ADAMTSL3: variants seen among roughly 807,000 people sequenced by gnomAD.
ADAMTSL3 encodes ADAMTS like 3.
In ADAMTSL3, 128 loss-of-function variants were observed where a neutral mutation model predicts 201.7. That is an observed-to-expected ratio of 0.63 (90% confidence interval 0.55 to 0.73). The LOEUF (loss-of-function observed/expected upper bound fraction) is 0.73, where lower values mean the gene tolerates loss of function less well. Among genes scored for constraint, ADAMTSL3 ranks in the 30% least tolerant of loss-of-function variants. The pLI is 0.00. For missense variants in ADAMTSL3, 1,990 were observed against 2,119.6 expected (o/e 0.94, Z 1.20); for synonymous variants, 738 against 748.4 (o/e 0.99, Z 0.23).
intron 23 of ADAMTSL3, among the ~76,000 whole-genome samples, chr15:84,003,532 G>T (rs1360158083): frequency 6.6e-6 from 1 of 152,074 alleles, no homozygotes; most frequent in Non-Finnish European, 1.5e-5. Context: ...TGTTCCCTTG[G>T]CTCCTCGTAT....
chr15:83,842,198 G>A (rs1328778440), intron 7 of ADAMTSL3, among the ~76,000 whole-genome samples: 1 of 151,358 alleles, frequency 6.6e-6, no homozygotes, highest in Admixed American at 6.6e-5. Context: ...TTGAATGGTG[G>A]AGGTAGCTCT....
At chr15:84,018,154 A>T (rs1217964404) in intron 25 of ADAMTSL3, among the ~76,000 whole-genome samples, 1 of 152,204 alleles carries the variant, frequency 6.6e-6, no homozygotes, top group African/African-American at 2.4e-5. Flanking sequence ...AGCCTTTGGA[A>T]TAGTCAAACT....
intron 3 of ADAMTSL3, among the ~76,000 whole-genome samples, chr15:83,771,184 T>A (rs1052714665): frequency 1.6e-4 from 20 of 122,828 alleles, no homozygotes; most frequent in African/African-American, 2.8e-4. Context: ...TTTTTTTTTT[T>A]ATTTTAATAG....
chr15:83,916,304 A>G (rs2066031480), intron 16 of ADAMTSL3, among the ~76,000 whole-genome samples: 1 of 152,198 alleles, frequency 6.6e-6, no homozygotes, highest in African/African-American at 2.4e-5. Flanking sequence ...TTATAAGGGT[A>G]TATTTTATCA....
intron 4 of ADAMTSL3, among the ~76,000 whole-genome samples, chr15:83,777,279 C>T (rs1320546445): frequency 3.3e-5 from 5 of 152,250 alleles, no homozygotes; most frequent in Non-Finnish European, 2.9e-5. Context: ...GTAGCTGCCA[C>T]TACCACTGCT....
At chr15:83,718,692 A>G (rs2141565890) in intron 3 of ADAMTSL3, among the ~76,000 whole-genome samples, 1 of 148,164 alleles carries the variant, frequency 6.7e-6, no homozygotes, top group South Asian at 2.1e-4. Context: ...CTCCGTCTCA[A>G]AAAAAAAAAA....
At chr15:83,833,326 C>G (rs1044979936) in intron 6 of ADAMTSL3, among the ~76,000 whole-genome samples, 3 of 152,136 alleles carry the variant, frequency 2.0e-5, no homozygotes, top group East Asian at 1.9e-4. Flanking sequence ...AGGGTCTGCT[C>G]CCTGCCTCCT....
intron 8 of ADAMTSL3, among the ~76,000 whole-genome samples, chr15:83,859,900 C>T (rs372233034): frequency 3.9e-5 from 6 of 152,102 alleles, no homozygotes; most frequent in Non-Finnish European, 5.9e-5. Flanking sequence ...TGGTGGTTCA[C>T]GCCTGTAATG....
chr15:83,970,976 T>G (rs2067185148), intron 20 of ADAMTSL3, among the ~76,000 whole-genome samples: 1 of 152,220 alleles, frequency 6.6e-6, no homozygotes, highest in Non-Finnish European at 1.5e-5. Flanking sequence ...TTCACTTTGC[T>G]AGGATTGCAT....
intron 10 of ADAMTSL3, among the ~76,000 whole-genome samples, chr15:83,889,206 C>T (rs1175411704): frequency 3.9e-5 from 6 of 152,066 alleles, no homozygotes; most frequent in African/African-American, 1.2e-4. Flanking sequence ...TCATTCCTTC[C>T]GTTTGAAGGC....
chr15:83,858,835 A>G lies in ADAMTSL3; in HGVS notation c.797A>G (p.His266Arg), dbSNP rs2064796509. Reference protein sequence around the residue: ...SVRITVKGPAHLFIESKTLQG... With the variant: ...SVRITVKGPARLFIESKTLQG... ...AGAATTACAGTGAAAGGACCTGCCC[A>G]CCTCTGTAAGTAGAATTTAATCTTA... The change falls in exon 8 of 30, where the codon CAC becomes CGC. Residue 266 changes from histidine to arginine, a missense_variant. Transcript: ENST00000286744. 6.2e-7 allele frequency: 1 copy of G among 1,608,198 alleles called. No homozygotes were observed. Among genetic ancestry groups the G allele is most frequent in the South Asian group, 1.1e-5 (1 of 90,062 alleles).
intron 6 of ADAMTSL3, among the ~76,000 whole-genome samples, chr15:83,823,869 G>C (rs900464934): frequency 6.7e-6 from 1 of 150,282 alleles, no homozygotes; most frequent in Non-Finnish European, 1.5e-5. Flanking sequence ...TTTTAAAACA[G>C]ACTCCATTTC....
chr15:83,734,625 G>A (rs1288733468), intron 3 of ADAMTSL3, among the ~76,000 whole-genome samples: 1 of 151,878 alleles, frequency 6.6e-6, no homozygotes, highest in Non-Finnish European at 1.5e-5. Flanking sequence ...AGGTATGGGT[G>A]TAGCCATTTC....
At chr15:83,689,012 G>A (rs376616711) in intron 2 of ADAMTSL3, among the ~76,000 whole-genome samples, 3 of 151,854 alleles carry the variant, frequency 2.0e-5, no homozygotes, top group South Asian at 2.1e-4. Flanking sequence ...TTGTAGAGAC[G>A]GAGTTTCACC....
intron 2 of ADAMTSL3, among the ~76,000 whole-genome samples, chr15:83,697,346 G>T (rs1008051843): frequency 6.6e-6 from 1 of 152,070 alleles, no homozygotes; most frequent in East Asian, 1.9e-4. Context: ...ACACCACTGG[G>T]TATCCTCTAT....
At chr15:83,740,018 A>G (rs2062429398) in intron 3 of ADAMTSL3, 1 of 382,844 alleles carries the variant, frequency 2.6e-6, no homozygotes, top group African/African-American at 2.1e-5. Context: ...GACAGAGTTC[A>G]CACTGACACC....
At chr15:83,914,379 CA>C (rs1220287110) in intron 16 of ADAMTSL3, among the ~76,000 whole-genome samples, 2 of 152,248 alleles carry the variant, frequency 1.3e-5, no homozygotes, top group Admixed American at 1.3e-4. Flanking sequence ...CCTGAATTCT[CA>C]ATCCTTATCA....
intron 19 of ADAMTSL3, among the ~76,000 whole-genome samples, chr15:83,951,805 G>A (rs919922919): frequency 1.1e-4 from 16 of 152,036 alleles, no homozygotes; most frequent in African/African-American, 3.4e-4. Context: ...ATATGTAATT[G>A]CCATAGTAGC....
chr15:83,993,695 T>C (rs1247855302), intron 23 of ADAMTSL3, among the ~76,000 whole-genome samples: 1 of 152,204 alleles, frequency 6.6e-6, no homozygotes, highest in Non-Finnish European at 1.5e-5. Context: ...AGTCCACATA[T>C]TTGCCTATTT....
Sources: allele counts gnomAD v4.1 joint callset (sites outside exome capture counted in the v4.1 genomes callset), GRCh38; gene constraint gnomAD v4.1.1; transcripts MANE v1.5; gene names NCBI Gene and HGNC (gene_info 2026-07-23, HGNC 2026-07-21).